Variants in CD36 observed in about 807,000 individuals in gnomAD.
CD36 encodes the protein platelet glycoprotein 4.
Under a neutral mutation model 55.2 loss-of-function variants are expected in CD36, and 119 were observed. That is an observed-to-expected ratio of 2.15 (90% CI 1.86 to 2.51). The LOEUF (loss-of-function observed/expected upper bound fraction) is 2.51. Ranked by LOEUF, CD36 falls within the 30% of genes most tolerant of loss-of-function variation. The probability of loss-of-function intolerance (pLI) is 0.00; values close to 1 mark genes in which losing one functional copy is unlikely to be tolerated. For missense variants in CD36, 819 were observed against 555.5 expected, an observed-to-expected ratio of 1.47 and a Z score of -4.77; for synonymous variants, 186 against 193.6, an observed-to-expected ratio of 0.96 and a Z score of 0.33.
intron 6 of CD36, among the ~76,000 whole-genome samples, 180 bp downstream of exon 6, chr7:80,663,349 T>A (rs1350849995): frequency 1.3e-5 from 2 of 152,182 alleles, no homozygotes; most frequent in Non-Finnish European, 2.9e-5. Flanking sequence ...GTTGGGAAAT[T>A]CATCTGAATT....
intron 11 of CD36, 26 bp downstream of exon 11, chr7:80,672,066 TTTGG>T: frequency 6.4e-7 from 1 of 1,554,260 alleles, no homozygotes; most frequent in Non-Finnish European, 8.8e-7. Flanking sequence ...ATTGATCTGA[TTTGG>T]TTGATATTTT....
intron 7 of CD36, among the ~76,000 whole-genome samples, chr7:80,664,868 AAC>A: frequency 6.8e-6 from 1 of 147,858 alleles, no homozygotes; most frequent in Middle Eastern, 3.5e-3. Flanking sequence ...AAAAAAAAAC[AAC>A]ACATCAACTG....
At chr7:80,608,551 G>A (rs1235735621) in intron 1 of CD36, among the ~76,000 whole-genome samples, 1 of 152,114 alleles carries the variant, frequency 6.6e-6, no homozygotes, top group Non-Finnish European at 1.5e-5. Flanking sequence ...TTCCATAGAA[G>A]GGTTAAATAT....
intron 13 of CD36, 30 bp from the exon 14 acceptor site, chr7:80,673,953 A>AAATAATGTTGATTATTAACTTGATT: frequency 6.3e-7 from 1 of 1,584,724 alleles, no homozygotes. Flanking sequence ...TAACGTACCC[A>AAATAATGTTGATTATTAACTTGATT]AATAATGTTG....
chr7:80,607,875 G>A (rs897328122), intron 1 of CD36, among the ~76,000 whole-genome samples: 2 of 152,024 alleles, frequency 1.3e-5, no homozygotes, highest in South Asian at 2.1e-4. Flanking sequence ...AGGTTCAAGC[G>A]ATTCTCCTGC....
chr7:80,630,194 C>G (rs552716123), intron 1 of CD36, among the ~76,000 whole-genome samples: 1 of 152,086 alleles, frequency 6.6e-6, no homozygotes, highest in South Asian at 2.1e-4. Flanking sequence ...TATTTGCAGA[C>G]CCATCATTGT....
upstream of CD36, among the ~76,000 whole-genome samples, chr7:80,637,738 G>T (rs1794524791): frequency 6.6e-6 from 1 of 151,964 alleles, no homozygotes; most frequent in Non-Finnish European, 1.5e-5. Flanking sequence ...TACTTCTAAG[G>T]TTGTTTGAAT....
intron 1 of CD36, among the ~76,000 whole-genome samples, chr7:80,614,703 A>C (rs1793051382): frequency 6.6e-6 from 1 of 152,204 alleles, no homozygotes; most frequent in Non-Finnish European, 1.5e-5. Flanking sequence ...TCCTGACCCC[A>C]ATTCCAATAC....
At chr7:80,633,848 ATAGT>A (rs1185614000), upstream of CD36, among the ~76,000 whole-genome samples, 11 of 152,054 alleles carry the variant, frequency 7.2e-5, no homozygotes, top group Non-Finnish European at 1.3e-4. Context: ...ATGTTATGAG[ATAGT>A]TCATAGGTCA....
chr7:80,672,804 TGCAGGTCAACC>T lies in CD36; in HGVS notation c.1161_1171del (p.Gln388IlefsTer26). On this transcript the variant is annotated frameshift_variant, in exon 12 of 15. Transcript: ENST00000447544. LOFTEE classifies it high-confidence loss of function. ...TTCACTTTACAATTTGCAAAACGGC[TGCAGGTCAACC>T]TATTGGTCAAGCCATCAGAAAAAAT... 6.2e-7 allele frequency: 1 copy of T among 1,611,312 alleles called. No homozygotes were observed.
chr7:80,670,143 A>G, intron 9 of CD36, 121 bp downstream of exon 9: 1 of 733,202 alleles, frequency 1.4e-6, no homozygotes, highest in East Asian at 2.5e-5. Flanking sequence ...TCTTTGCAAA[A>G]TGTTCTTCTG....
intron 8 of CD36, among the ~76,000 whole-genome samples, chr7:80,669,727 C>A (rs1031144951): frequency 6.6e-6 from 1 of 152,122 alleles, no homozygotes; most frequent in Non-Finnish European, 1.5e-5. Context: ...AAACCCCTGA[C>A]CTCAGGTGAT....
chr7:80,624,768 G>A (rs894207164), intron 1 of CD36, among the ~76,000 whole-genome samples: 4 of 151,976 alleles, frequency 2.6e-5, no homozygotes, highest in Non-Finnish European at 5.9e-5. Flanking sequence ...ACCCTAGGAA[G>A]ACTGTTAAGT....
rs1402783145 is a variant in CD36, at chr7:80,629,453, C to G, written c.-183-16635C>G. On this transcript the variant is annotated intron_variant, in intron 1 of 13. Transcript: ENST00000309881. The stretch of plus-strand genomic sequence containing the variant: ...AATTAAATGAGAATATTAAATAGTA[C>G]CTTGACATTTTTAGAGGCAATACCA... Among the ~76,000 whole-genome samples the G allele has an allele frequency of 2.6e-5, 4 of 152,068 alleles. No individual in the cohort carries two copies. In the East Asian group the frequency reaches 7.7e-4, roughly 29 times the overall value.
intron 1 of CD36, among the ~76,000 whole-genome samples, chr7:80,628,219 A>G (rs1793859101): frequency 6.6e-6 from 1 of 152,038 alleles, no homozygotes. Context: ...AATAAAAAAA[A>G]TTTGAGCACC....
In CD36 at chr7:80,656,655, ACAG is replaced by A. The variant is rs775502227; in HGVS notation, c.242_244del (p.Ser81del). The stretch of plus-strand genomic sequence containing the variant: ...CAAAATCCACAGGAAGTGATGATGA[ACAG>A]CAGCAACATTCAAGTTAAGCAAAGA... On this transcript the variant is annotated inframe_deletion, in exon 4 of 15. Transcript: ENST00000447544. 3.7e-6 allele frequency: 6 copies of A among 1,613,694 alleles called. No individual in the cohort carries two copies. The African/African-American group carries it at 5.3e-5, about 14-fold the overall frequency.
chr7:80,670,295 A>G, intron 9 of CD36: 1 of 439,616 alleles, frequency 2.3e-6, no homozygotes, highest in South Asian at 2.2e-5. Context: ...TTCTAAAGAC[A>G]TACAGAGAAG....
chr7:80,618,085 G>A (rs1409303593), intron 1 of CD36, among the ~76,000 whole-genome samples: 1 of 151,972 alleles, frequency 6.6e-6, no homozygotes, highest in Non-Finnish European at 1.5e-5. Context: ...GTTTCATATG[G>A]ATAGTAATAG....
intron 12 of CD36, 193 bp from the exon 13 acceptor site, chr7:80,673,162 A>ATT: frequency 1.9e-6 from 1 of 517,674 alleles, no homozygotes; most frequent in South Asian, 3.1e-5. Context: ...ACACTTGTGA[A>ATT]AAAAAATCAA....
Sources: gnomAD v4.1 joint callset for allele counts (sites outside exome capture counted in the v4.1 genomes callset) on GRCh38, gnomAD v4.1.1 for gene constraint, MANE v1.5 for transcripts, NCBI Gene and HGNC (gene_info 2026-07-23, HGNC 2026-07-21) for gene names.